PPFIA2: variants seen among roughly 807,000 people sequenced by gnomAD.
PPFIA2 encodes the protein liprin-alpha-2.
A neutral mutation model predicts 175.5 loss-of-function variants in PPFIA2; 46 were observed. The ratio of observed to expected loss-of-function variants is 0.26; its 90% CI spans 0.21 to 0.34. The LOEUF is 0.34. PPFIA2 is among the 10% of genes least tolerant of loss of function. The pLI is 1.00. For missense variants in PPFIA2, 1,179 were observed against 1,506.1 expected, an observed-to-expected ratio of 0.78 and a Z score of 3.60; for synonymous variants, 568 against 511.4, an observed-to-expected ratio of 1.11 and a Z score of -1.49.
At chr12:81,478,086 A>G (rs1009972772) in intron 4 of PPFIA2, among the ~76,000 whole-genome samples, 1 of 151,830 alleles carries the variant, frequency 6.6e-6, no homozygotes, top group African/African-American at 2.4e-5. Context: ...TCAATTTCAG[A>G]TCTTGTTATA....
intron 4 of PPFIA2, among the ~76,000 whole-genome samples, chr12:81,547,582 C>T (rs934279999): frequency 3.9e-5 from 6 of 152,056 alleles, no homozygotes; most frequent in African/African-American, 1.4e-4. Context: ...TCCATGTTGG[C>T]CAGGCTGGTC....
intron 7 of PPFIA2, among the ~76,000 whole-genome samples, chr12:81,421,934 C>A (rs944845609): frequency 6.6e-6 from 1 of 151,276 alleles, no homozygotes. Context: ...TTATGCCATG[C>A]AAACGGTAAT....
At chr12:81,539,456 C>T (rs929083243) in intron 4 of PPFIA2, among the ~76,000 whole-genome samples, 7 of 151,866 alleles carry the variant, frequency 4.6e-5, no homozygotes, top group Non-Finnish European at 8.8e-5. Flanking sequence ...AAGAAACAAG[C>T]GATGTAGGAG....
At chr12:81,620,373 A>G (rs2061920258) in intron 4 of PPFIA2, among the ~76,000 whole-genome samples, 1 of 152,136 alleles carries the variant, frequency 6.6e-6, no homozygotes, top group Non-Finnish European at 1.5e-5. Context: ...AATGATTCAC[A>G]TCGTTCAAAA....
At chr12:81,553,945 T>G (rs2068389213) in intron 4 of PPFIA2, among the ~76,000 whole-genome samples, 1 of 152,038 alleles carries the variant, frequency 6.6e-6, no homozygotes, top group South Asian at 2.1e-4. Context: ...TAAGAATGGT[T>G]TTCATGGCAT....
chr12:81,682,171 G>A (rs112305481), intron 3 of PPFIA2, among the ~76,000 whole-genome samples: 5,960 of 152,082 alleles, frequency 0.039, 149 homozygotes, highest in Middle Eastern at 0.068. Flanking sequence ...TTAATGAGGT[G>A]ATTAAGAAGA....
At chr12:81,298,723 C>T (rs1355321916) in intron 23 of PPFIA2, among the ~76,000 whole-genome samples, 5 of 152,322 alleles carry the variant, frequency 3.3e-5, no homozygotes, top group South Asian at 4.1e-4. Context: ...TTTTCCAGAA[C>T]ACTATGTTGT....
intron 4 of PPFIA2, among the ~76,000 whole-genome samples, chr12:81,520,308 C>A (rs536774383): frequency 3.9e-5 from 6 of 152,072 alleles, no homozygotes; most frequent in Non-Finnish European, 7.4e-5. Context: ...TCAGGCAGAA[C>A]GAAGCAGGTT....
At chr12:81,554,596 G>A (rs1436044354) in intron 4 of PPFIA2, among the ~76,000 whole-genome samples, 1 of 151,976 alleles carries the variant, frequency 6.6e-6, no homozygotes, top group East Asian at 1.9e-4. Context: ...GGAACAAAAT[G>A]TTCAAGAAAT....
intron 22 of PPFIA2, among the ~76,000 whole-genome samples, chr12:81,318,976 AG>A (rs1282142603): frequency 6.6e-6 from 1 of 151,750 alleles, no homozygotes; most frequent in Non-Finnish European, 1.5e-5. Flanking sequence ...ATATTAATCC[AG>A]GATTTACATC....
At position 81,667,490 on chromosome 12, in the gene PPFIA2, C is replaced by T. The variant is rs192551621; in HGVS notation, c.303+9301G>A. Among the ~76,000 whole-genome samples the T allele has an allele frequency of 2.0e-5, 3 of 152,162 alleles. No individual in the cohort carries two copies. The East Asian group carries it at 5.8e-4, about 30-fold the overall frequency. On this transcript the variant is annotated intron_variant, in intron 4 of 32. Coordinates refer to ENST00000549396, the MANE Select transcript of PPFIA2 (RefSeq NM_003625.5). The stretch of plus-strand genomic sequence containing the variant: ...TGCTCACACCATCTGACTATTCCTC[C>T]TGTTACTCCTCCCCATCATTAATAA...
At chr12:81,676,125 A>C (rs1464972533) in intron 4 of PPFIA2, among the ~76,000 whole-genome samples, 5 of 152,092 alleles carry the variant, frequency 3.3e-5, no homozygotes, top group African/African-American at 1.2e-4. Context: ...AAGTAATGAC[A>C]AAAATGTATG....
At chr12:81,474,244 C>A (rs928173682) in intron 4 of PPFIA2, among the ~76,000 whole-genome samples, 2 of 152,170 alleles carry the variant, frequency 1.3e-5, no homozygotes, top group Admixed American at 6.6e-5. Flanking sequence ...GCAACCTCCA[C>A]CTCCCGGTTT....
chr12:81,321,541 C>G (rs2053651053), intron 22 of PPFIA2, among the ~76,000 whole-genome samples: 1 of 151,932 alleles, frequency 6.6e-6, no homozygotes, highest in African/African-American at 2.4e-5. Flanking sequence ...GGGCTTATAC[C>G]TGTGCAACTT....
In PPFIA2 at chr12:81,585,603, T is replaced by A. The variant is rs536697909; in HGVS notation, c.303+91188A>T. 2.6e-5 allele frequency among the ~76,000 whole-genome samples: 4 copies of A among 151,860 alleles called. No individual in the cohort carries two copies. The South Asian group carries it at 8.3e-4, about 32-fold the overall frequency. ...ATCATCACCACCATTGTCGTCCACC[T>A]CCACATTTTGTCTTACAAGAAGGTC... On this transcript the variant is annotated intron_variant, in intron 4 of 32. Coordinates refer to ENST00000549396, the MANE Select transcript of PPFIA2 (RefSeq NM_003625.5).
chr12:81,715,771 A>G (rs2078529830), intron 3 of PPFIA2, among the ~76,000 whole-genome samples: 1 of 151,816 alleles, frequency 6.6e-6, no homozygotes, highest in African/African-American at 2.4e-5. Context: ...CATGAAATTT[A>G]GAAAAGCTAA....
intron 4 of PPFIA2, among the ~76,000 whole-genome samples, chr12:81,663,814 C>G (rs952378905): frequency 6.6e-6 from 1 of 152,166 alleles, no homozygotes; most frequent in South Asian, 2.1e-4. Flanking sequence ...GTAACCAAAA[C>G]AGCATGGTAC....
intron 4 of PPFIA2, among the ~76,000 whole-genome samples, chr12:81,480,362 T>G (rs976559536): frequency 5.3e-5 from 8 of 152,072 alleles, no homozygotes; most frequent in African/African-American, 1.9e-4. Context: ...AACATGATGC[T>G]TTATCTCAGA....
intron 4 of PPFIA2, among the ~76,000 whole-genome samples, chr12:81,480,747 G>C (rs1478076285): frequency 1.3e-5 from 2 of 152,102 alleles, no homozygotes; most frequent in Admixed American, 6.5e-5. Flanking sequence ...GGAGGCTGCA[G>C]ACAGCAAAGA....
Sources: allele counts gnomAD v4.1 joint callset (sites outside exome capture counted in the v4.1 genomes callset), GRCh38; gene constraint gnomAD v4.1.1; transcripts MANE v1.5; gene names NCBI Gene and HGNC (gene_info 2026-07-23, HGNC 2026-07-21).